Variants in THSD7A observed in about 807,000 individuals in gnomAD.
THSD7A encodes thrombospondin type-1 domain-containing protein 7A.
THSD7A carries 96 observed loss-of-function variants against 231.3 expected under a neutral mutation model. That is an observed-to-expected ratio of 0.41 (90% CI 0.35 to 0.49). The LOEUF (loss-of-function observed/expected upper bound fraction) is 0.49. Ranked by LOEUF, THSD7A falls within the 20% of genes least tolerant of loss-of-function variation. The probability of loss-of-function intolerance (pLI) is 0.05; values close to 1 mark genes in which losing one functional copy is unlikely to be tolerated. For missense variants in THSD7A, 2,290 were observed against 2,070.2 expected (o/e 1.11, Z -2.06); for synonymous variants, 940 against 743.3 (o/e 1.26, Z -4.30).
Position 11,686,503 on chromosome 7 carries a change from C to T in THSD7A, c.191-49542G>A, listed in dbSNP as rs149107812. On this transcript the variant is annotated intron_variant, in intron 1 of 27. Coordinates refer to ENST00000423059, the MANE Select transcript of THSD7A (RefSeq NM_015204.3). ...TGCTTCAGACTTTCATATGGCTCAACCTGCCAATGGTCTTTAAGACACGTG... is the reference window on the plus strand; with the variant it reads ...TGCTTCAGACTTTCATATGGCTCAATCTGCCAATGGTCTTTAAGACACGTG... Among the ~76,000 whole-genome samples the T allele has an allele frequency of 8.0e-3, 1,213 of 151,924 alleles. 1 individual carries two copies. Among genetic ancestry groups the T allele is most frequent in the Non-Finnish European group, 0.014 (977 of 67,892 alleles).
intron 1 of THSD7A, among the ~76,000 whole-genome samples, chr7:11,730,397 C>T (rs902746700): frequency 4.6e-5 from 7 of 151,294 alleles, no homozygotes; most frequent in African/African-American, 1.7e-4. Flanking sequence ...CACAATCTTC[C>T]TTTTTTCTTT....
At chr7:11,748,516 T>C (rs1303901692) in intron 1 of THSD7A, among the ~76,000 whole-genome samples, 1 of 152,002 alleles carries the variant, frequency 6.6e-6, no homozygotes, top group African/African-American at 2.4e-5. Context: ...GATACATGTA[T>C]ATATTCTCAA....
intron 6 of THSD7A, among the ~76,000 whole-genome samples, chr7:11,515,116 C>T (rs2128314374): frequency 6.6e-6 from 1 of 152,262 alleles, no homozygotes; most frequent in Admixed American, 6.5e-5. Flanking sequence ...CATCTGAGCC[C>T]ATCCTATCAA....
chr7:11,592,758 T>C (rs1472592917), intron 3 of THSD7A, among the ~76,000 whole-genome samples: 1 of 152,228 alleles, frequency 6.6e-6, no homozygotes, highest in Non-Finnish European at 1.5e-5. Flanking sequence ...TACAAAGTAC[T>C]GAATTTTAAT....
chr7:11,674,385 T>G (rs1039945963), intron 1 of THSD7A, among the ~76,000 whole-genome samples: 1 of 152,132 alleles, frequency 6.6e-6, no homozygotes, highest in Admixed American at 6.6e-5. Context: ...AAGATGAGCA[T>G]AAGCTTGGGG....
In THSD7A at chr7:11,699,304, C is replaced by A. The variant is rs553393125; in HGVS notation, c.191-62343G>T. 1.5e-4 allele frequency among the ~76,000 whole-genome samples: 23 copies of A among 151,262 alleles called. No individual in the cohort carries two copies. The South Asian group carries it at 4.4e-3, about 29-fold the overall frequency. On this transcript the variant is annotated intron_variant, in intron 1 of 27. Coordinates refer to ENST00000423059, the MANE Select transcript of THSD7A (RefSeq NM_015204.3). Reference sequence around the variant, plus strand: ...ATGTATTTTAAAGTAAAATTTAAGACCCTATTGTCCTAGAATTGCTCCAAT... The same window carrying A: ...ATGTATTTTAAAGTAAAATTTAAGAACCTATTGTCCTAGAATTGCTCCAAT...
chr7:11,727,945 C>T (rs964921159), intron 1 of THSD7A, among the ~76,000 whole-genome samples: 1 of 151,908 alleles, frequency 6.6e-6, no homozygotes, highest in African/African-American at 2.4e-5. Flanking sequence ...AAATGACACT[C>T]CATGTCTACA....
rs746946645 is a variant in THSD7A at position 11,377,185 on chromosome 7, A to C, written c.4802-528T>G. ...ATCTTTTATCTAGTCTGCACTTACA[A>C]TGTGTTTTAAAATTGGCTGACAATG... On this transcript the variant is annotated intron_variant, in intron 26 of 27. Coordinates refer to ENST00000423059, the MANE Select transcript of THSD7A (RefSeq NM_015204.3). The surrounding 1 kb of genome is among the most constrained non-coding windows in gnomAD (Gnocchi z 4.5). The C allele has an allele frequency of 2.0e-5, 3 of 152,076 alleles. No individual in the cohort carries two copies. Among genetic ancestry groups the C allele is most frequent in the African/African-American group, 7.2e-5 (3 of 41,450 alleles). The allele number at this position is 152,076 out of a possible 1,614,324, so 9.4% of individuals were successfully genotyped here.
chr7:11,720,458 T>G (rs1371109551), intron 1 of THSD7A, among the ~76,000 whole-genome samples: 3 of 151,734 alleles, frequency 2.0e-5, no homozygotes, highest in African/African-American at 7.2e-5. Context: ...ATGCTTAATC[T>G]CTTTCTACTG....
intron 1 of THSD7A, among the ~76,000 whole-genome samples, chr7:11,734,051 T>C (rs974752509): frequency 4.6e-5 from 7 of 151,896 alleles, no homozygotes; most frequent in Non-Finnish European, 8.8e-5. Flanking sequence ...ATCTCTCCCT[T>C]GGAGACTCCC....
rs972799640 is a variant in THSD7A, at chr7:11,747,220, C to T, written c.190+84537G>A. ...AAACCTGTTAAATATTTTTATAATG[C>T]TTTGTATCTTTAGCATTTCTTACAA... On this transcript the variant is annotated intron_variant, in intron 1 of 27. Transcript: ENST00000423059. 5.3e-5 allele frequency among the ~76,000 whole-genome samples: 8 copies of T among 151,970 alleles called. No homozygotes were observed. In the South Asian group the frequency reaches 8.3e-4, roughly 16 times the overall value.
chr7:11,767,293 A>G (rs1167170498), intron 1 of THSD7A, among the ~76,000 whole-genome samples: 2 of 152,178 alleles, frequency 1.3e-5, no homozygotes, highest in Non-Finnish European at 1.5e-5. Flanking sequence ...AGTCATTATG[A>G]TGACCTACAT....
chr7:11,418,446 G>A (rs966037876), intron 16 of THSD7A, among the ~76,000 whole-genome samples: 21 of 152,150 alleles, frequency 1.4e-4, no homozygotes, highest in African/African-American at 4.3e-4. Context: ...ATTATAGCAG[G>A]AGAGAAAACC....
At chr7:11,730,612 T>G (rs557097557) in intron 1 of THSD7A, among the ~76,000 whole-genome samples, 2 of 151,758 alleles carry the variant, frequency 1.3e-5, no homozygotes, top group South Asian at 4.1e-4. Context: ...TGCATCTTAC[T>G]CTCTTCACCC....
At chr7:11,596,864 T>A (rs956046254) in intron 2 of THSD7A, among the ~76,000 whole-genome samples, 1 of 152,254 alleles carries the variant, frequency 6.6e-6, no homozygotes, top group African/African-American at 2.4e-5. Flanking sequence ...GCCATTGACA[T>A]GGCAAGTGCC....
chr7:11,790,350 A>C (rs1352019447), intron 1 of THSD7A, among the ~76,000 whole-genome samples: 1 of 151,974 alleles, frequency 6.6e-6, no homozygotes, highest in Non-Finnish European at 1.5e-5. Context: ...CAAAATGAAT[A>C]TGAGCAATTG....
chr7:11,588,483 C>T (rs941610226), intron 4 of THSD7A, among the ~76,000 whole-genome samples: 1 of 152,146 alleles, frequency 6.6e-6, no homozygotes, highest in African/African-American at 2.4e-5. Context: ...GAATTAGTTA[C>T]CTCCATATCT....
chr7:11,672,305 T>C (rs1023457729), intron 1 of THSD7A, among the ~76,000 whole-genome samples: 1 of 152,156 alleles, frequency 6.6e-6, no homozygotes, highest in African/African-American at 2.4e-5. Context: ...ATATTATTTG[T>C]TTTTATTATT....
At chr7:11,436,111 T>G (rs1166968829) in intron 13 of THSD7A, among the ~76,000 whole-genome samples, 1 of 152,082 alleles carries the variant, frequency 6.6e-6, no homozygotes, top group Non-Finnish European at 1.5e-5. Flanking sequence ...TATTTAACAT[T>G]TATAATTTTA....
Sources: gnomAD v4.1 joint callset for allele counts (sites outside exome capture counted in the v4.1 genomes callset) on GRCh38, gnomAD v4.1.1 for gene constraint, Gnocchi (gnomAD v3.1) non-coding constraint, MANE v1.5 for transcripts, NCBI Gene and HGNC (gene_info 2026-07-23, HGNC 2026-07-21) for gene names.